The following DCDC1 variants were observed in gnomAD, a reference collection of about 807,000 sequenced individuals.
DCDC1 encodes the protein doublecortin domain containing 1, also known as doublecortin domain-containing protein 1.
Under a neutral mutation model 178.3 loss-of-function variants are expected in DCDC1, and 200 were observed. The ratio of observed to expected loss-of-function variants is 1.12; its 90% CI spans 1.00 to 1.26. The LOEUF is 1.26. DCDC1 is among the 50% of genes most tolerant of loss of function. DCDC1 has a pLI of 0.00. For synonymous variants in DCDC1, 690 were observed against 604.8 expected (o/e 1.14, Z -2.07); for missense variants, 1,983 against 1,749.2 (o/e 1.13, Z -2.38).
At position 30,905,030 on chromosome 11, in the gene DCDC1, T is replaced by C; in HGVS notation, c.4239A>G (p.Lys1413=). The C allele has an allele frequency of 6.2e-7, 1 of 1,613,908 alleles. No homozygotes were observed. ...GMAATHQKAV[K]IIAYKNGDGY... is the part of the protein sequence containing the mutation. ...CATCCCCATTTTTGTATGCAATTAT[T>C]TTCACTGCCTTCTGGTGTGTGGCTG... The change falls in exon 31 of 39, where the codon AAA becomes AAG. Residue 1413 remains lysine, a synonymous_variant. Transcript: ENST00000684477.
At chr11:31,357,611 T>C (rs1170712139) in intron 1 of DCDC1, among the ~76,000 whole-genome samples, 2 of 152,002 alleles carry the variant, frequency 1.3e-5, no homozygotes, top group Non-Finnish European at 2.9e-5. Context: ...GAGAAGGAAA[T>C]AAAGGGTATT....
chr11:31,023,219 C>A (rs1953003530), intron 20 of DCDC1, among the ~76,000 whole-genome samples: 1 of 152,062 alleles, frequency 6.6e-6, no homozygotes, highest in African/African-American at 2.4e-5. Context: ...AATAAGTTAT[C>A]ATTAGAAATG....
At chr11:31,204,762 C>G (rs1490925462) in intron 9 of DCDC1, among the ~76,000 whole-genome samples, 4 of 152,326 alleles carry the variant, frequency 2.6e-5, no homozygotes, top group Admixed American at 2.6e-4. Flanking sequence ...GCGGAGGTTG[C>G]AGTGAGCCGA....
At chr11:31,210,641 G>A (rs1972402232) in intron 9 of DCDC1, among the ~76,000 whole-genome samples, 1 of 150,842 alleles carries the variant, frequency 6.6e-6, no homozygotes, top group Non-Finnish European at 1.5e-5. Context: ...AACCCGGGAG[G>A]CAGAGGTTGC....
intron 2 of DCDC1, among the ~76,000 whole-genome samples, chr11:31,331,671 G>T (rs1336688677): frequency 6.6e-6 from 1 of 152,130 alleles, no homozygotes; most frequent in Admixed American, 6.5e-5. Context: ...TTTATGTGAT[G>T]GATTATGTTT....
intron 26 of DCDC1, 39 bp from the exon 27 acceptor site, chr11:30,915,750 C>A: frequency 6.3e-7 from 1 of 1,575,468 alleles, no homozygotes; most frequent in South Asian, 1.2e-5. Context: ...AGAAAAATGT[C>A]CCATGCACTT....
chr11:31,275,196 G>T (rs1014429870), intron 7 of DCDC1, among the ~76,000 whole-genome samples: 3 of 152,106 alleles, frequency 2.0e-5, no homozygotes, highest in Admixed American at 2.0e-4. Flanking sequence ...TTTTGATCAA[G>T]ATTCTGATAA....
chr11:31,178,817 C>A (rs145429150), intron 9 of DCDC1, among the ~76,000 whole-genome samples: 1 of 152,040 alleles, frequency 6.6e-6, no homozygotes, highest in African/African-American at 2.4e-5. Flanking sequence ...CTCAGCCTCC[C>A]GAGTAGGTAG....
intron 1 of DCDC1, among the ~76,000 whole-genome samples, chr11:31,342,322 T>C (rs1950593927): frequency 6.6e-6 from 1 of 152,220 alleles, no homozygotes; most frequent in Admixed American, 6.5e-5. Flanking sequence ...CGTGTTTCTC[T>C]TGCACTTTCT....
At chr11:31,295,712 C>G (rs1410026401) in intron 6 of DCDC1, among the ~76,000 whole-genome samples, 2 of 152,124 alleles carry the variant, frequency 1.3e-5, no homozygotes, top group African/African-American at 4.8e-5. Context: ...TTCTCTCACT[C>G]CCTTACATGG....
chr11:31,163,603 TTAAAA>T (rs1259204652), intron 9 of DCDC1, among the ~76,000 whole-genome samples: 1 of 152,172 alleles, frequency 6.6e-6, no homozygotes, highest in Non-Finnish European at 1.5e-5. Context: ...TTTTAGAATG[TTAAAA>T]TAAGCTAAAA....
intron 9 of DCDC1, among the ~76,000 whole-genome samples, chr11:31,181,501 G>A (rs148426697): frequency 0.021 from 3,154 of 152,290 alleles, 98 homozygotes; most frequent in African/African-American, 0.07. Context: ...CCTCTGGGAC[G>A]AAACTTCCAG....
At position 30,903,458 on chromosome 11, in the gene DCDC1, T is replaced by C. The variant is rs12284338; in HGVS notation, c.4510+24A>G. ...ATGATCAAGCATAAGTAGAATCAGC[T>C]AAATGCTGTAGATTGTAGCCAACCT... On this transcript the variant is annotated intron_variant, in intron 32 of 38. Coordinates refer to ENST00000684477, the MANE Select transcript of DCDC1 (RefSeq NM_001387274.1). The C allele has an allele frequency of 4.1e-3, 6,356 of 1,554,446 alleles. 184 individuals carry two copies. The African/African-American group carries it at 0.07, about 17-fold the overall frequency.
In DCDC1 at chr11:30,932,703, AC is replaced by A. The variant is rs1947014537; in HGVS notation, c.2716-752del. Among the ~76,000 whole-genome samples the A allele has an allele frequency of 2.6e-5, 4 of 152,290 alleles. No homozygotes were observed. The South Asian group carries it at 8.3e-4, about 32-fold the overall frequency. ...GTGATGGGACCACATAGGGAGGAGA[AC>A]CTAACTCAGAAATGTCATAGAACTG... is the stretch of plus-strand genomic sequence containing the variant. On this transcript the variant is annotated intron_variant, in intron 21 of 38. Coordinates refer to ENST00000684477, the MANE Select transcript of DCDC1 (RefSeq NM_001387274.1).
At chr11:30,923,297 C>T (rs1224411117) in intron 23 of DCDC1, among the ~76,000 whole-genome samples, 1 of 151,814 alleles carries the variant, frequency 6.6e-6, no homozygotes, top group Non-Finnish European at 1.5e-5. Context: ...TTACAGAAAA[C>T]ATTTAATGAC....
intron 8 of DCDC1, among the ~76,000 whole-genome samples, chr11:31,244,066 A>G (rs2136919757): frequency 6.6e-6 from 1 of 151,954 alleles, no homozygotes; most frequent in Middle Eastern, 3.4e-3. Context: ...AAGGTACAGA[A>G]AACATAAGAA....
At chr11:30,935,325 GC>G (rs1403800473) in intron 21 of DCDC1, among the ~76,000 whole-genome samples, 1 of 152,134 alleles carries the variant, frequency 6.6e-6, no homozygotes, top group Non-Finnish European at 1.5e-5. Flanking sequence ...ATATTTATCT[GC>G]CTGTGAGAGC....
intron 20 of DCDC1, among the ~76,000 whole-genome samples, chr11:30,979,599 A>G (rs1950283411): frequency 6.6e-6 from 1 of 152,070 alleles, no homozygotes; most frequent in Admixed American, 6.6e-5. Flanking sequence ...ATTATGGTTA[A>G]TTTTTCACAC....
chr11:31,083,402 A>C (rs1957302767), intron 17 of DCDC1, among the ~76,000 whole-genome samples: 1 of 152,194 alleles, frequency 6.6e-6, no homozygotes, highest in Non-Finnish European at 1.5e-5. Context: ...TTGATTTTAC[A>C]TGTAGGGGCT....
Sources: gnomAD v4.1 joint callset for allele counts (sites outside exome capture counted in the v4.1 genomes callset) on GRCh38, gnomAD v4.1.1 for gene constraint, MANE v1.5 for transcripts, NCBI Gene and HGNC (gene_info 2026-07-23, HGNC 2026-07-21) for gene names.